DNAH5: variants seen among roughly 807,000 people sequenced by gnomAD.
The protein encoded by DNAH5 is dynein axonemal heavy chain 5, also known as axonemal beta dynein heavy chain 5.
DNAH5 carries 372 observed loss-of-function variants against 518.2 expected under a neutral mutation model. That is an observed-to-expected ratio of 0.72 (90% CI 0.66 to 0.78). DNAH5 has a LOEUF of 0.78. Ranked by LOEUF, DNAH5 falls within the 30% of genes least tolerant of loss-of-function variation. DNAH5 has a pLI of 0.00. For missense variants in DNAH5, 5,523 were observed against 5,687.0 expected, an observed-to-expected ratio of 0.97 and a Z score of 0.93; for synonymous variants, 2,039 against 2,025.9, an observed-to-expected ratio of 1.01 and a Z score of -0.17.
chr5:13,718,941 A>G lies in DNAH5; in HGVS notation c.12440T>C (p.Ile4147Thr). ...TTGTGGAGGATCGTTGGCAAATTTA[A>G]TGGACATCTGAAGGAGTGTAATGGG... ...QFPITLLQMS[I>T]KFANDPPQGL... The change falls in exon 72 of 79, where the codon ATT (isoleucine) becomes ACT (threonine). Residue 4147 changes from isoleucine to threonine, a missense_variant. Transcript: ENST00000265104. 1 of 1,614,136 alleles carries G rather than the reference A, an allele frequency of 6.2e-7. No homozygotes were observed. Among genetic ancestry groups the G allele is most frequent in the Non-Finnish European group, 8.5e-7 (1 of 1,180,008 alleles).
intron 1 of DNAH5, among the ~76,000 whole-genome samples, chr5:13,980,832 C>T (rs1782625625): frequency 6.6e-6 from 1 of 152,172 alleles, no homozygotes; most frequent in Non-Finnish European, 1.5e-5. Flanking sequence ...TTGCTCACTC[C>T]CCTCCAGGCA....
At position 13,901,548 on chromosome 5, in the gene DNAH5, C is replaced by A. The variant is rs1250105400; in HGVS notation, c.1756G>T (p.Asp586Tyr). The A allele has an allele frequency of 3.1e-6, 5 of 1,612,766 alleles. No homozygotes were observed. The highest frequency in any genetic ancestry group is 3.3e-5 in the Admixed American group (2 of 59,980). ...TCAAGGATAAGTTGATATTTGTCAT[C>A]AATACCAAGATTAGGTATATTCAAT... Reference protein sequence around the residue: ...ERLNIPNLGIDDKYQLILENY... With the variant: ...ERLNIPNLGIYDKYQLILENY... The change falls in exon 14 of 79, where the codon GAT becomes TAT. Residue 586 changes from aspartate (D) to tyrosine (Y), a missense_variant. Asp to Tyr is a radical substitution (Grantham distance 160, BLOSUM62 -3). Transcript: ENST00000265104.
chr5:13,807,830 T>C, intron 46 of DNAH5, 105 bp from the exon 47 acceptor site: 1 of 959,658 alleles, frequency 1.0e-6, no homozygotes, highest in East Asian at 2.6e-5. Context: ...CCCTAGTACC[T>C]TAAAATGTGA....
In DNAH5 at chr5:13,916,429, T is replaced by C. The variant is rs1424198509; in HGVS notation, c.1116A>G (p.Thr372=). ...DPLSMMDAIP[T]LINAIKMIYS... ...AGATCATTTTAATTGCATTTATAAGTGTAGGAATAGCATCCATCATGGATA... is the reference window on the plus strand; with the variant it reads ...AGATCATTTTAATTGCATTTATAAGCGTAGGAATAGCATCCATCATGGATA... Residue 372 remains threonine (T), a synonymous_variant, in exon 9 of 79, where the codon ACA becomes ACG. Transcript: ENST00000265104. The C allele has an allele frequency of 3.2e-6, 5 of 1,560,238 alleles. No individual in the cohort carries two copies. Among genetic ancestry groups the C allele is most frequent in the Admixed American group, 1.7e-5 (1 of 59,680 alleles).
At chr5:13,715,821 A>G (rs1744211348) in intron 74 of DNAH5, among the ~76,000 whole-genome samples, 1 of 152,206 alleles carries the variant, frequency 6.6e-6, no homozygotes, top group South Asian at 2.1e-4. Context: ...CCCAGAGGAC[A>G]TTTGGCAATT....
intron 46 of DNAH5, among the ~76,000 whole-genome samples, chr5:13,808,698 G>A (rs1257988912): frequency 5.3e-5 from 8 of 152,110 alleles, no homozygotes; most frequent in Admixed American, 4.6e-4. Context: ...GGTGGCTCAC[G>A]CCTGTAATCC....
At chr5:13,720,658 G>T (rs900595394) in intron 71 of DNAH5, among the ~76,000 whole-genome samples, 2 of 152,068 alleles carry the variant, frequency 1.3e-5, no homozygotes, top group African/African-American at 4.8e-5. Flanking sequence ...CAGTTGTGAG[G>T]CATTGCACCC....
intron 47 of DNAH5, among the ~76,000 whole-genome samples, chr5:13,805,772 C>T (rs867745991): frequency 3.9e-5 from 6 of 152,128 alleles, no homozygotes; most frequent in Non-Finnish European, 5.9e-5. Context: ...AGCATTTCTC[C>T]GAGTTCTGTA....
intron 41 of DNAH5, among the ~76,000 whole-genome samples, chr5:13,819,875 T>C (rs1761989785): frequency 6.6e-6 from 1 of 152,130 alleles, no homozygotes; most frequent in African/African-American, 2.4e-5. Flanking sequence ...AAGAGTTGGG[T>C]TTGGAATTAT....
At chr5:13,985,036 C>T (rs1581111823) in intron 1 of DNAH5, among the ~76,000 whole-genome samples, 2 of 152,230 alleles carry the variant, frequency 1.3e-5, no homozygotes, top group South Asian at 4.1e-4. Context: ...CCCAGATGTC[C>T]AACAATGATA....
intron 5 of DNAH5, among the ~76,000 whole-genome samples, chr5:13,921,750 A>AACCC (rs1554104144): frequency 7.4e-6 from 1 of 134,276 alleles, no homozygotes; most frequent in Non-Finnish European, 1.6e-5. Context: ...GCCCACACAC[A>AACCC]CCCCCCCACA....
At chr5:13,982,824 T>C (rs1561041764) in intron 1 of DNAH5, among the ~76,000 whole-genome samples, 1 of 152,278 alleles carries the variant, frequency 6.6e-6, no homozygotes, top group East Asian at 1.9e-4. Flanking sequence ...CCCTCACCCT[T>C]GGAGCAGGAA....
chr5:13,692,048 C>T lies in DNAH5; in HGVS notation c.13811G>A (p.Arg4604Lys). 1 of 1,614,096 alleles carries T rather than the reference C, an allele frequency of 6.2e-7. No homozygotes were observed. Among genetic ancestry groups the T allele is most frequent in the East Asian group, 2.2e-5 (1 of 44,872 alleles). ...CCAGTGTTCAGGGGTCTGGGCTGTC[C>T]TGAGATCCACAGCGGCAATGTAGTT... is the stretch of plus-strand genomic sequence containing the variant. ...DLNYIAAVDLRTAQTPEHWVL... is the reference protein window; with the variant it reads ...DLNYIAAVDLKTAQTPEHWVL... Residue 4604 changes from arginine to lysine, a missense_variant, in exon 79 of 79, where the codon AGG becomes AAG. Physicochemically the swap from Arg to Lys is conservative, Grantham distance 26 (BLOSUM62 2). Transcript: ENST00000265104.
intron 7 of DNAH5, among the ~76,000 whole-genome samples, chr5:13,917,940 T>C (rs1010401086): frequency 6.6e-6 from 1 of 152,292 alleles, no homozygotes; most frequent in East Asian, 1.9e-4. Context: ...CCCATGCAAA[T>C]AGTTAACAAA....
At chr5:13,852,820 A>C (rs1767078691) in intron 30 of DNAH5, among the ~76,000 whole-genome samples, 1 of 152,156 alleles carries the variant, frequency 6.6e-6, no homozygotes, top group South Asian at 2.1e-4. Flanking sequence ...GCCTCTCTAG[A>C]TTCCTCCTCT....
chr5:13,706,910 G>A (rs559640190), intron 76 of DNAH5, among the ~76,000 whole-genome samples: 16 of 152,314 alleles, frequency 1.1e-4, no homozygotes, highest in African/African-American at 3.8e-4. Flanking sequence ...AGGGTCCCTG[G>A]CGAAGGCTCC....
intron 58 of DNAH5, among the ~76,000 whole-genome samples, chr5:13,767,671 G>A (rs1173868514): frequency 6.6e-6 from 1 of 152,204 alleles, no homozygotes; most frequent in East Asian, 1.9e-4. Context: ...AAACAGCATG[G>A]TGCTCAGCTG....
intron 44 of DNAH5, 58 bp downstream of exon 44, chr5:13,811,589 C>T: frequency 6.7e-7 from 1 of 1,497,418 alleles, no homozygotes. Flanking sequence ...ATAGTACTCT[C>T]TGTGCAGCAT....
chr5:13,741,269 C>T (rs1284951760), intron 65 of DNAH5, among the ~76,000 whole-genome samples: 1 of 152,136 alleles, frequency 6.6e-6, no homozygotes, highest in Non-Finnish European at 1.5e-5. Context: ...TTGGTAAGAC[C>T]CCACCAGACT....
Sources: allele counts gnomAD v4.1 joint callset (sites outside exome capture counted in the v4.1 genomes callset), GRCh38; gene constraint gnomAD v4.1.1; transcripts MANE v1.5; gene names NCBI Gene and HGNC (gene_info 2026-07-23, HGNC 2026-07-21).